The following MRPL42 variants were observed in gnomAD, a reference collection of about 807,000 sequenced individuals.
MRPL42 encodes the protein large ribosomal subunit protein mL42.
MRPL42 carries 17 observed loss-of-function variants against 17.9 expected under a neutral mutation model. That is an observed-to-expected ratio of 0.95 (90% CI 0.65 to 1.42). The LOEUF (loss-of-function observed/expected upper bound fraction) is 1.42, where lower values mean the gene tolerates loss of function less well. Among genes scored for constraint, MRPL42 ranks in the 40% most tolerant of loss-of-function variants. The pLI, the probability that MRPL42 is intolerant of heterozygous loss-of-function variation, is 0.00. For missense variants in MRPL42, 177 were observed against 175.2 expected (o/e 1.01, Z -0.06); for synonymous variants, 59 against 54.4 (o/e 1.08, Z -0.37).
chr12:93,494,797 C>T (rs1401965432), intron 5 of MRPL42, among the ~76,000 whole-genome samples: 1 of 152,076 alleles, frequency 6.6e-6, no homozygotes, highest in Non-Finnish European at 1.5e-5. Context: ...ACTCCAAAAT[C>T]TAGAGACAAG....
chr12:93,509,239 TTTATA>T lies in MRPL42; in HGVS notation c.*8021_*8025del, dbSNP rs1426904788. The T allele has an allele frequency of 6.6e-6, 1 of 151,716 alleles. No homozygotes were observed. The highest frequency in any genetic ancestry group is 1.5e-5 in the Non-Finnish European group (1 of 67,962). The allele number at this position is 151,716 out of a possible 1,614,324, so 9.4% of individuals were successfully genotyped here. On this transcript the variant is annotated 3_prime_UTR_variant, in exon 6 of 6. Transcript: ENST00000549982. ...GCTTTTTGCAAAGTGGTTGTACCAT[TTTATA>T]TTCTCACCACCATGAATGAAAGTTC... is the stretch of plus-strand genomic sequence containing the variant.
At chr12:93,472,986 T>G (rs1879980851) in intron 2 of MRPL42, among the ~76,000 whole-genome samples, 1 of 152,218 alleles carries the variant, frequency 6.6e-6, no homozygotes, top group Non-Finnish European at 1.5e-5. Flanking sequence ...CCTGTATACT[T>G]TCTACTGTAC....
intron 5 of MRPL42, among the ~76,000 whole-genome samples, chr12:93,494,950 A>G (rs1953470107): frequency 1.3e-5 from 2 of 152,208 alleles, no homozygotes; most frequent in African/African-American, 4.8e-5. Flanking sequence ...ATAGTGATAC[A>G]GGGGTCCCCA....
At chr12:93,468,810 T>A (rs1879764120) in intron 1 of MRPL42, among the ~76,000 whole-genome samples, 2 of 152,296 alleles carry the variant, frequency 1.3e-5, no homozygotes, top group South Asian at 4.1e-4. Flanking sequence ...TGATGTAGTA[T>A]CTTGTGTATG....
At chr12:93,478,451 ATGT>A (rs1880288830) in intron 3 of MRPL42, among the ~76,000 whole-genome samples, 1 of 151,682 alleles carries the variant, frequency 6.6e-6, no homozygotes, top group South Asian at 2.1e-4. Context: ...GGATTTTTCC[ATGT>A]TACCCAGGCT....
In MRPL42 at chr12:93,484,975, CACACATATATATATATATATATAT is replaced by C. The variant is rs1324378236; in HGVS notation, c.220-2520_220-2497del. ...GCTTTTTAAAAAACACACACACACA[CACACATATATATATATATATATAT>C]ATATATATATATATATATATATATA... On this transcript the variant is annotated intron_variant, in intron 4 of 5. Transcript: ENST00000549982. 1.4e-3 allele frequency among the ~76,000 whole-genome samples: 32 copies of C among 23,182 alleles called. 3 individuals are homozygous for C. The highest frequency in any genetic ancestry group is 3.6e-3 in the African/African-American group (29 of 8,030). The allele number at this position is 23,182 out of a possible 152,430, so 15.2% of individuals were successfully genotyped here.
chr12:93,479,620 CTTAT>C (rs888585907), intron 4 of MRPL42, 148 bp downstream of exon 4: 16 of 445,304 alleles, frequency 3.6e-5, no homozygotes, highest in Non-Finnish European at 6.3e-5. Context: ...TGATTTTTCT[CTTAT>C]TTATTTTTCA....
rs1953619807 is a variant in MRPL42 at position 93,503,147 on chromosome 12, A to ACATT, written c.*1927_*1930dup. The ACATT allele has an allele frequency of 6.6e-6, 1 of 152,208 alleles. No homozygotes were observed. The highest frequency in any genetic ancestry group is 1.9e-4 in the East Asian group (1 of 5,198). 9.4% of individuals were successfully genotyped at this position (152,208 alleles called of 1,614,324 possible). A position where few individuals can be genotyped will look rare whatever the true frequency, so the allele number is the denominator to read the frequency against. ...AGTGGGATGCTTCTTTAATTTAAAT[A>ACATT]CATTTAGCTTCATGAAAAACTCACT... On this transcript the variant is annotated 3_prime_UTR_variant, in exon 6 of 6. Coordinates refer to ENST00000549982, the MANE Select transcript of MRPL42 (RefSeq NM_014050.4).
rs1472673067 is a variant in MRPL42, at chr12:93,505,398, C to T, written c.*4177C>T. The T allele has an allele frequency of 6.6e-6, 1 of 152,090 alleles. No individual in the cohort carries two copies. The highest frequency in any genetic ancestry group is 2.4e-5 in the African/African-American group (1 of 41,390). The allele number at this position is 152,090 out of a possible 1,614,324, so 9.4% of individuals were successfully genotyped here. ...TCCAGAAGATGAGTTGAATATCAGCCCACAAACACTGGTAGTAAGCAAACT... is the reference window on the plus strand; with the variant it reads ...TCCAGAAGATGAGTTGAATATCAGCTCACAAACACTGGTAGTAAGCAAACT... On this transcript the variant is annotated 3_prime_UTR_variant, in exon 6 of 6. Coordinates refer to ENST00000549982, the MANE Select transcript of MRPL42 (RefSeq NM_014050.4).
intron 4 of MRPL42, among the ~76,000 whole-genome samples, chr12:93,484,028 C>A (rs1271844889): frequency 6.6e-6 from 1 of 152,070 alleles, no homozygotes; most frequent in Non-Finnish European, 1.5e-5. Flanking sequence ...CATTTTGTCC[C>A]ACTGGAAGGT....
chr12:93,491,651 A>G (rs1410724854), intron 5 of MRPL42, among the ~76,000 whole-genome samples: 1 of 151,926 alleles, frequency 6.6e-6, no homozygotes, highest in Non-Finnish European at 1.5e-5. Flanking sequence ...TTCAATTTTT[A>G]GCTTCAGAGG....
At chr12:93,499,862 A>G (rs1368796951) in intron 5 of MRPL42, among the ~76,000 whole-genome samples, 1 of 152,232 alleles carries the variant, frequency 6.6e-6, no homozygotes, top group Non-Finnish European at 1.5e-5. Context: ...ACTAAAGATC[A>G]CAGGGTACAT....
At chr12:93,474,230 A>G (rs1880052638) in intron 2 of MRPL42, among the ~76,000 whole-genome samples, 1 of 151,924 alleles carries the variant, frequency 6.6e-6, no homozygotes, top group South Asian at 2.1e-4. Context: ...GAAAATGTAT[A>G]TCATCTAGTT....
At position 93,501,172 on chromosome 12, in the gene MRPL42, CA is replaced by C; in HGVS notation, c.384-2del. On this transcript the variant is annotated splice_polypyrimidine_tract_variant and splice_region_variant and intron_variant, in intron 5 of 5. Transcript: ENST00000549982. ...CTTATTCCAAGTATTTTCTTCTTTT[CA>C]AGGTATCACAGATGTCGTAAGAATC... 1 of 1,588,608 alleles carries C rather than the reference CA, an allele frequency of 6.3e-7. No individual in the cohort carries two copies. The highest frequency in any genetic ancestry group is 1.8e-5 in the Admixed American group (1 of 55,426).
At chr12:93,499,506 C>G (rs1953551569) in intron 5 of MRPL42, among the ~76,000 whole-genome samples, 1 of 152,058 alleles carries the variant, frequency 6.6e-6, no homozygotes, top group Non-Finnish European at 1.5e-5. Flanking sequence ...CCTTCTAGAA[C>G]CACTATTCTG....
At chr12:93,476,191 T>A (rs1237526370) in intron 2 of MRPL42, among the ~76,000 whole-genome samples, 1 of 152,106 alleles carries the variant, frequency 6.6e-6, no homozygotes. Context: ...AATACTTTAT[T>A]TTTATTTATT....
intron 3 of MRPL42, among the ~76,000 whole-genome samples, 155 bp downstream of exon 3, chr12:93,477,172 G>C (rs1367636648): frequency 6.6e-6 from 1 of 152,026 alleles, no homozygotes; most frequent in Non-Finnish European, 1.5e-5. Flanking sequence ...TATTTACCCA[G>C]TATCTGGGCT....
At position 93,504,001 on chromosome 12, in the gene MRPL42, TTC is replaced by T. The variant is rs970038007; in HGVS notation, c.*2782_*2783del. On this transcript the variant is annotated 3_prime_UTR_variant, in exon 6 of 6. Transcript: ENST00000549982. ...TTTATTTTTTTTTTAAATTTATTTC[TTC>T]TTTTTTTTTTCTTATAATCTCATCA... 4.5e-5 allele frequency: 4 copies of T among 88,104 alleles called. No homozygotes were observed. Among genetic ancestry groups the T allele is most frequent in the Admixed American group, 2.1e-4 (2 of 9,408 alleles). 5.5% of individuals were successfully genotyped at this position (88,104 alleles called of 1,614,324 possible).
chr12:93,485,021 T>TGTACAC (rs1880669651), intron 4 of MRPL42, among the ~76,000 whole-genome samples: 1 of 95,074 alleles, frequency 1.1e-5, no homozygotes, highest in African/African-American at 3.9e-5. Context: ...TATATATATA[T>TGTACAC]ATATATAAAC....
Sources: allele counts gnomAD v4.1 joint callset (sites outside exome capture counted in the v4.1 genomes callset), GRCh38; gene constraint gnomAD v4.1.1; transcripts MANE v1.5; gene names NCBI Gene and HGNC (gene_info 2026-07-23, HGNC 2026-07-21).